The following MARCHF3 variants were observed in gnomAD, a reference collection of about 807,000 sequenced individuals.
MARCHF3 encodes E3 ubiquitin-protein ligase MARCHF3.
In MARCHF3, 13 loss-of-function variants were observed where a neutral mutation model predicts 24.2. The ratio of observed to expected loss-of-function variants is 0.54; its 90% CI spans 0.35 to 0.85. MARCHF3 has a LOEUF of 0.85. Ranked by LOEUF, MARCHF3 falls within the 40% of genes least tolerant of loss-of-function variation. The probability of loss-of-function intolerance (pLI) is 0.01; values close to 1 mark genes in which losing one functional copy is unlikely to be tolerated. For synonymous variants in MARCHF3, 144 were observed against 137.3 expected (o/e 1.05, Z -0.34); for missense variants, 276 against 325.0 (o/e 0.85, Z 1.16).
chr5:126,973,833 G>T (rs1318961159), intron 1 of MARCHF3, among the ~76,000 whole-genome samples: 1 of 151,336 alleles, frequency 6.6e-6, no homozygotes, highest in Non-Finnish European at 1.5e-5. Flanking sequence ...GAGACTGAAG[G>T]ATCTGTAAGA....
At chr5:126,929,466 T>C (rs1459147186) in intron 1 of MARCHF3, among the ~76,000 whole-genome samples, 3 of 152,228 alleles carry the variant, frequency 2.0e-5, no homozygotes, top group Non-Finnish European at 2.9e-5. Context: ...AATTATTTCA[T>C]TTGGGAGCTA....
chr5:126,987,372 A>G (rs1361446513), intron 1 of MARCHF3, among the ~76,000 whole-genome samples: 1 of 152,188 alleles, frequency 6.6e-6, no homozygotes, highest in Non-Finnish European at 1.5e-5. Context: ...GAAAATAAAA[A>G]AGACTGTAAC....
intron 1 of MARCHF3, among the ~76,000 whole-genome samples, chr5:127,010,864 C>G (rs1752448815): frequency 6.6e-6 from 1 of 151,980 alleles, no homozygotes; most frequent in Non-Finnish European, 1.5e-5. Context: ...GTCAAAATCA[C>G]AGAGACAACA....
intron 1 of MARCHF3, among the ~76,000 whole-genome samples, chr5:126,981,178 C>A (rs530596197): frequency 2.6e-5 from 4 of 152,286 alleles, no homozygotes; most frequent in African/African-American, 9.6e-5. Context: ...TGGCCTCCAG[C>A]AATAAACAAT....
At chr5:127,000,281 T>C (rs933843540) in intron 1 of MARCHF3, among the ~76,000 whole-genome samples, 1 of 113,988 alleles carries the variant, frequency 8.8e-6, no homozygotes, top group Non-Finnish European at 1.9e-5. Context: ...ATGCCTGTTC[T>C]CACACTCTGC....
chr5:127,018,897 A>C (rs192516951), intron 1 of MARCHF3, among the ~76,000 whole-genome samples: 3 of 152,338 alleles, frequency 2.0e-5, no homozygotes, highest in Admixed American at 1.3e-4. Context: ...CCTAATTTAC[A>C]AAAGGGTACT....
chr5:126,980,923 G>A (rs956731300), intron 1 of MARCHF3, among the ~76,000 whole-genome samples: 1 of 152,214 alleles, frequency 6.6e-6, no homozygotes, highest in Admixed American at 6.5e-5. Flanking sequence ...TAGACTATCT[G>A]TGGATTTCCA....
At position 127,008,816 on chromosome 5, in the gene MARCHF3, G is replaced by A. The variant is rs564150762; in HGVS notation, c.-57+21534C>T. Among the ~76,000 whole-genome samples the A allele has an allele frequency of 7.2e-4, 109 of 151,118 alleles. 2 individuals are homozygous for A. The South Asian group carries it at 0.013, about 17-fold the overall frequency. On this transcript the variant is annotated intron_variant, in intron 1 of 4. Transcript: ENST00000308660. ...GGCCAGACAACCTGGTCCAGTGACC[G>A]AACCCTATTTTAAGAGTCTGAAAGG...
chr5:126,924,630 A>G (rs1241359402), intron 1 of MARCHF3, among the ~76,000 whole-genome samples: 1 of 152,240 alleles, frequency 6.6e-6, no homozygotes, highest in Non-Finnish European at 1.5e-5. Flanking sequence ...AAGGTAGGAA[A>G]TCACAAAGTG....
At chr5:126,875,664 T>G (rs1440559251) in intron 4 of MARCHF3, among the ~76,000 whole-genome samples, 1 of 152,164 alleles carries the variant, frequency 6.6e-6, no homozygotes, top group African/African-American at 2.4e-5. Flanking sequence ...ACAGCACGTT[T>G]TTCACACCAG....
intron 1 of MARCHF3, among the ~76,000 whole-genome samples, chr5:126,936,713 T>C (rs1749658009): frequency 6.6e-6 from 1 of 152,216 alleles, no homozygotes; most frequent in Non-Finnish European, 1.5e-5. Flanking sequence ...AGGGAATGCA[T>C]ATTAAACTGC....
intron 1 of MARCHF3, among the ~76,000 whole-genome samples, chr5:126,980,532 G>A (rs996285477): frequency 2.0e-5 from 3 of 151,944 alleles, no homozygotes; most frequent in African/African-American, 4.8e-5. Flanking sequence ...CACCAGGCTC[G>A]GCTAATTTTT....
rs1410549848 is a variant in MARCHF3, at chr5:126,956,673, C to CAAAA, written c.-56-38450_-56-38447dup. On this transcript the variant is annotated intron_variant, in intron 1 of 4. Coordinates refer to ENST00000308660, the MANE Select transcript of MARCHF3 (RefSeq NM_178450.5). ...AAAAAAAAAAAAAAAAAAAAAAAAC[C>CAAAA]AAAAAAACAACAACAAAAACAAAAA... Among the ~76,000 whole-genome samples, 5 of 128,116 alleles carry CAAAA rather than the reference C, an allele frequency of 3.9e-5. 1 individual carries two copies. The highest frequency in any genetic ancestry group is 1.3e-4 in the African/African-American group (4 of 30,712). 84.0% of individuals were successfully genotyped at this position (128,116 alleles called of 152,430 possible).
At chr5:126,926,875 A>T (rs1354043446) in intron 1 of MARCHF3, among the ~76,000 whole-genome samples, 1 of 151,946 alleles carries the variant, frequency 6.6e-6, no homozygotes, top group Non-Finnish European at 1.5e-5. Flanking sequence ...AGCTCAGAAC[A>T]ACGGGGCCAG....
At chr5:126,902,722 C>A (rs1405973495) in intron 3 of MARCHF3, among the ~76,000 whole-genome samples, 1 of 152,088 alleles carries the variant, frequency 6.6e-6, no homozygotes, top group African/African-American at 2.4e-5. Context: ...CAAACAGCTT[C>A]TTTGTATTTA....
At chr5:126,982,133 T>C (rs1475993393) in intron 1 of MARCHF3, among the ~76,000 whole-genome samples, 1 of 152,246 alleles carries the variant, frequency 6.6e-6, no homozygotes, top group Non-Finnish European at 1.5e-5. Context: ...CATTTACTTC[T>C]GTGCTTCATT....
chr5:127,016,796 C>T (rs1467742012), intron 1 of MARCHF3, among the ~76,000 whole-genome samples: 1 of 152,126 alleles, frequency 6.6e-6, no homozygotes, highest in African/African-American at 2.4e-5. Flanking sequence ...GCTACTAAGA[C>T]ACATGAACAC....
chr5:126,889,632 AAAACAGAG>A (rs1265547536), intron 3 of MARCHF3, among the ~76,000 whole-genome samples: 1 of 152,212 alleles, frequency 6.6e-6, no homozygotes, highest in East Asian at 1.9e-4. Flanking sequence ...AAGGACCATG[AAAACAGAG>A]GAACTCTTGG....
Position 126,870,550 on chromosome 5 carries a change from G to T in MARCHF3, c.*83C>A. The T allele has an allele frequency of 7.7e-7, 1 of 1,300,072 alleles. No homozygotes were observed. The highest frequency in any genetic ancestry group is 1.1e-6 in the Non-Finnish European group (1 of 912,140). 80.5% of individuals were successfully genotyped at this position (1,300,072 alleles called of 1,614,324 possible). A position where few individuals can be genotyped will look rare whatever the true frequency, so the allele number is the denominator to read the frequency against. On this transcript the variant is annotated 3_prime_UTR_variant, in exon 5 of 5. Coordinates refer to ENST00000308660, the MANE Select transcript of MARCHF3 (RefSeq NM_178450.5). ...GACCCACAGGCTTAAGGAAGGGCTT[G>T]GGGGTCGCTCAGTGCATGACCCCAG...
Sources: gnomAD v4.1 joint callset for allele counts (sites outside exome capture counted in the v4.1 genomes callset) on GRCh38, gnomAD v4.1.1 for gene constraint, MANE v1.5 for transcripts, NCBI Gene and HGNC (gene_info 2026-07-23, HGNC 2026-07-21) for gene names.